TBL1XR1: variants seen among roughly 807,000 people sequenced by gnomAD.
The protein encoded by TBL1XR1 is F-box-like/WD repeat-containing protein TBL1XR1.
A neutral mutation model predicts 66.9 loss-of-function variants in TBL1XR1; 5 were observed. The ratio of observed to expected loss-of-function variants is 0.07; its 90% CI spans 0.04 to 0.16. TBL1XR1 has a LOEUF of 0.16. TBL1XR1 is among the 10% of genes least tolerant of loss of function. TBL1XR1 has a pLI of 1.00. For missense variants in TBL1XR1, 238 were observed against 623.2 expected (o/e 0.38, Z 6.58); for synonymous variants, 210 against 206.0 (o/e 1.02, Z -0.17).
intron 3 of TBL1XR1, among the ~76,000 whole-genome samples, chr3:177,061,767 A>T (rs902830007): frequency 9.9e-5 from 15 of 152,250 alleles, no homozygotes; most frequent in Non-Finnish European, 1.8e-4. Flanking sequence ...CTGAATGACT[A>T]ATTCTCAATA....
intron 1 of TBL1XR1, among the ~76,000 whole-genome samples, chr3:177,103,899 T>C (rs1724539429): frequency 6.6e-6 from 1 of 152,104 alleles, no homozygotes; most frequent in East Asian, 1.9e-4. Flanking sequence ...GGAGATCACT[T>C]GAGGTCAGAA....
intron 1 of TBL1XR1, among the ~76,000 whole-genome samples, chr3:177,148,000 A>T (rs1046009630): frequency 1.2e-4 from 18 of 152,228 alleles, no homozygotes; most frequent in Admixed American, 1.2e-3. Flanking sequence ...GAATCTTTCC[A>T]CCATTAAGAA....
intron 1 of TBL1XR1, among the ~76,000 whole-genome samples, chr3:177,147,302 G>A (rs1388415375): frequency 2.0e-5 from 3 of 152,076 alleles, no homozygotes; most frequent in Non-Finnish European, 2.9e-5. Flanking sequence ...TCCTGCCTCA[G>A]CCTCTCAAAG....
In TBL1XR1 at chr3:177,197,238, G is replaced by T. The variant is rs1161097287; in HGVS notation, c.-239C>A. 1 of 152,190 alleles carries T rather than the reference G, an allele frequency of 6.6e-6. No homozygotes were observed. The highest frequency in any genetic ancestry group is 2.4e-5 in the African/African-American group (1 of 41,342). The allele number at this position is 152,190 out of a possible 1,614,324, so 9.4% of individuals were successfully genotyped here. On this transcript the variant is annotated 5_prime_UTR_variant, in exon 1 of 16. Coordinates refer to ENST00000457928, the MANE Select transcript of TBL1XR1 (RefSeq NM_024665.7). ...CCACCCCCAAAATAACCCCTCCGGGGGGTGAGAGGCAATTATAACCCCAGC... is the reference window on the plus strand; with the variant it reads ...CCACCCCCAAAATAACCCCTCCGGGTGGTGAGAGGCAATTATAACCCCAGC...
chr3:177,167,888 T>C (rs1698379007), intron 1 of TBL1XR1, among the ~76,000 whole-genome samples: 1 of 152,102 alleles, frequency 6.6e-6, no homozygotes, highest in African/African-American at 2.4e-5. Flanking sequence ...ATCATGCCAT[T>C]GCACTACAGC....
At chr3:177,141,608 A>G (rs1297505572) in intron 1 of TBL1XR1, among the ~76,000 whole-genome samples, 1 of 152,260 alleles carries the variant, frequency 6.6e-6, no homozygotes, top group Non-Finnish European at 1.5e-5. Context: ...GAATGAGCTC[A>G]AACTAAGAAC....
chr3:177,021,442 G>A lies in TBL1XR1; in HGVS notation c.*4056C>T, dbSNP rs1712342574. ...CTGTCAACGTAAAGGCAGAAATAAAGCAAGCTATCAATACCTCAGAACTAC... is the reference window on the plus strand; with the variant it reads ...CTGTCAACGTAAAGGCAGAAATAAAACAAGCTATCAATACCTCAGAACTAC... On this transcript the variant is annotated 3_prime_UTR_variant, in exon 16 of 16. Coordinates refer to ENST00000457928, the MANE Select transcript of TBL1XR1 (RefSeq NM_024665.7). 6.6e-6 allele frequency: 1 copy of A among 151,600 alleles called. No individual in the cohort carries two copies. The highest frequency in any genetic ancestry group is 1.9e-4 in the East Asian group (1 of 5,174). The allele number at this position is 151,600 out of a possible 1,614,324, so 9.4% of individuals were successfully genotyped here. A position where few individuals can be genotyped will look rare whatever the true frequency, so the allele number is the denominator to read the frequency against.
chr3:177,084,284 C>T (rs994788654), intron 2 of TBL1XR1, among the ~76,000 whole-genome samples: 4 of 152,138 alleles, frequency 2.6e-5, no homozygotes, highest in Non-Finnish European at 2.9e-5. Flanking sequence ...CCTGTCCTCA[C>T]CACTCATTCC....
chr3:177,076,327 A>G (rs1192489534), intron 2 of TBL1XR1, among the ~76,000 whole-genome samples: 1 of 152,192 alleles, frequency 6.6e-6, no homozygotes, highest in Non-Finnish European at 1.5e-5. Context: ...ACATCACTCT[A>G]GTCACTTTGC....
At chr3:177,163,790 T>C (rs1732500096) in intron 1 of TBL1XR1, among the ~76,000 whole-genome samples, 1 of 152,152 alleles carries the variant, frequency 6.6e-6, no homozygotes. Context: ...GTGAATATAT[T>C]ACCTAGCCAA....
intron 13 of TBL1XR1, among the ~76,000 whole-genome samples, 168 bp from the exon 14 acceptor site, chr3:177,033,304 C>A (rs946907706): frequency 2.0e-5 from 3 of 151,832 alleles, no homozygotes; most frequent in African/African-American, 4.8e-5. Context: ...AAGTCAGTGA[C>A]AAGAAAATAA....
intron 1 of TBL1XR1, among the ~76,000 whole-genome samples, chr3:177,177,131 A>G (rs1048727131): frequency 1.5e-4 from 23 of 152,198 alleles, no homozygotes; most frequent in African/African-American, 5.1e-4. Flanking sequence ...AATGCCAATG[A>G]ATACCCTTTT....
intron 1 of TBL1XR1, among the ~76,000 whole-genome samples, chr3:177,141,710 T>A (rs2108820830): frequency 6.6e-6 from 1 of 152,336 alleles, no homozygotes; most frequent in Non-Finnish European, 1.5e-5. Flanking sequence ...AAAGATAAAC[T>A]GTTAGTGGAC....
intron 1 of TBL1XR1, among the ~76,000 whole-genome samples, chr3:177,176,934 C>T (rs1289573694): frequency 2.0e-5 from 3 of 152,060 alleles, no homozygotes; most frequent in African/African-American, 7.2e-5. Context: ...AGGCAGTGAT[C>T]GCACCACTTT....
chr3:177,026,169 G>A, intron 15 of TBL1XR1: 1 of 539,510 alleles, frequency 1.9e-6, no homozygotes, highest in Non-Finnish European at 3.2e-6. Context: ...AGATTATAAG[G>A]TATTTGGTAA....
At chr3:177,093,559 C>T (rs190833139) in intron 2 of TBL1XR1, among the ~76,000 whole-genome samples, 1 of 152,258 alleles carries the variant, frequency 6.6e-6, no homozygotes, top group East Asian at 1.9e-4. Context: ...ATCACATTAC[C>T]TGATCTCAAA....
chr3:177,158,636 G>T (rs1490243921), intron 1 of TBL1XR1, among the ~76,000 whole-genome samples: 1 of 152,078 alleles, frequency 6.6e-6, no homozygotes, highest in Non-Finnish European at 1.5e-5. Context: ...TGTTGCTATG[G>T]TGTTGCTCCC....
In TBL1XR1 at chr3:177,173,684, C is replaced by T. The variant is rs185493244; in HGVS notation, c.-122+23437G>A. Among the ~76,000 whole-genome samples the T allele has an allele frequency of 4.8e-4, 73 of 152,140 alleles. 2 individuals carry two copies. Among genetic ancestry groups the T allele is most frequent in the Admixed American group, 3.7e-3 (56 of 15,280 alleles). On this transcript the variant is annotated intron_variant, in intron 1 of 15. Transcript: ENST00000457928. ...CTATTGGAACAGAAAAAAAGACATT[C>T]GTGGAAAAAACCGGAGAAATCCAAA... is the stretch of plus-strand genomic sequence containing the variant.
chr3:177,145,667 A>G (rs1730158503), intron 1 of TBL1XR1, among the ~76,000 whole-genome samples: 1 of 152,260 alleles, frequency 6.6e-6, no homozygotes, highest in Non-Finnish European at 1.5e-5. Context: ...GCTAACTCTT[A>G]AATCTCTAAA....
Sources: allele counts gnomAD v4.1 joint callset (sites outside exome capture counted in the v4.1 genomes callset), GRCh38; gene constraint gnomAD v4.1.1; transcripts MANE v1.5; gene names NCBI Gene and HGNC (gene_info 2026-07-23, HGNC 2026-07-21).